The following KCNMA1 variants were observed in gnomAD, a reference collection of about 807,000 sequenced individuals.
The protein encoded by KCNMA1 is potassium calcium-activated channel subfamily M alpha 1, also known as Calcium-activated potassium channel subunit alpha-1.
In KCNMA1, 29 loss-of-function variants were observed where a neutral mutation model predicts 140.0. That is an observed-to-expected ratio of 0.21 (90% CI 0.15 to 0.28). The LOEUF (loss-of-function observed/expected upper bound fraction) is 0.28, where lower values mean the gene tolerates loss of function less well. KCNMA1 is among the 10% of genes least tolerant of loss of function. The probability of loss-of-function intolerance (pLI) is 1.00; values close to 1 mark genes in which losing one functional copy is unlikely to be tolerated. For missense variants in KCNMA1, 880 were observed against 1,602.2 expected (o/e 0.55, Z 7.70); for synonymous variants, 612 against 611.9 (o/e 1.00, Z 0.00).
chr10:77,288,044 G>A (rs931954327), intron 2 of KCNMA1, among the ~76,000 whole-genome samples: 2 of 152,138 alleles, frequency 1.3e-5, no homozygotes, highest in African/African-American at 4.8e-5. Context: ...CTCTGCCTAC[G>A]CATGCATTCC....
At chr10:77,439,274 T>C (rs1172640294) in intron 1 of KCNMA1, among the ~76,000 whole-genome samples, 1 of 152,238 alleles carries the variant, frequency 6.6e-6, no homozygotes, top group Non-Finnish European at 1.5e-5. Flanking sequence ...TTTTACTGTA[T>C]TGCTCTATCA....
Position 77,260,813 on chromosome 10 carries a change from G to A in KCNMA1, c.541-9557C>T, listed in dbSNP as rs76091278. 1.1e-4 allele frequency among the ~76,000 whole-genome samples: 16 copies of A among 152,314 alleles called. No individual in the cohort carries two copies. The East Asian group carries it at 3.1e-3, about 29-fold the overall frequency. On this transcript the variant is annotated intron_variant, in intron 2 of 27. Transcript: ENST00000286628. ...GTCTCTAGGAAAAACAGATTCAACT[G>A]AGGTGGCAGATATAGGGAGCATTAC...
chr10:77,595,452 T>G (rs565908930), intron 1 of KCNMA1, among the ~76,000 whole-genome samples: 1 of 151,730 alleles, frequency 6.6e-6, no homozygotes, highest in South Asian at 2.1e-4. Flanking sequence ...ATAAAAGATG[T>G]ACCCCGGCAC....
Position 76,974,489 on chromosome 10 carries a change from G to A in KCNMA1, c.2267-4422C>T, listed in dbSNP as rs932065102. The A allele has an allele frequency of 1.6e-5, 25 of 1,537,456 alleles. No homozygotes were observed. The East Asian group carries it at 2.2e-4, about 14-fold the overall frequency. ...AATGGGTCCCAGTCTTCCTTCACCT[G>A]GCTCGGTCACAAGCCGAGAATTGGG... On this transcript the variant is annotated intron_variant, in intron 19 of 27. Transcript: ENST00000286628.
intron 1 of KCNMA1, among the ~76,000 whole-genome samples, chr10:77,449,078 C>T (rs1164498005): frequency 7.0e-6 from 1 of 142,720 alleles, no homozygotes; most frequent in African/African-American, 2.6e-5. Flanking sequence ...CAGAGCAAGA[C>T]TCCGAAAAAA....
intron 1 of KCNMA1, among the ~76,000 whole-genome samples, chr10:77,422,423 G>A (rs1339209858): frequency 6.6e-6 from 1 of 152,210 alleles, no homozygotes; most frequent in African/African-American, 2.4e-5. Flanking sequence ...ATGATTTCAA[G>A]GCTTCGGTCC....
At chr10:77,275,502 G>A (rs998433393) in intron 2 of KCNMA1, among the ~76,000 whole-genome samples, 2 of 152,298 alleles carry the variant, frequency 1.3e-5, no homozygotes, top group African/African-American at 4.8e-5. Flanking sequence ...CTTGTCCAAC[G>A]CCCTATTGTG....
intron 19 of KCNMA1, among the ~76,000 whole-genome samples, chr10:76,973,567 C>A (rs1372682308): frequency 6.6e-6 from 1 of 152,166 alleles, no homozygotes; most frequent in East Asian, 1.9e-4. Context: ...AATGACATAA[C>A]CTCCAGACAA....
At chr10:77,482,561 C>A (rs1237135166) in intron 1 of KCNMA1, among the ~76,000 whole-genome samples, 1 of 152,118 alleles carries the variant, frequency 6.6e-6, no homozygotes. Context: ...CATCTCTCTG[C>A]CAACTAAAGC....
chr10:77,514,086 C>T (rs1283317981), intron 1 of KCNMA1, among the ~76,000 whole-genome samples: 2 of 152,376 alleles, frequency 1.3e-5, no homozygotes, highest in Admixed American at 1.3e-4. Context: ...GCCCGCCTGG[C>T]ACCTGGGTCT....
At chr10:77,082,988 C>G (rs1289669952) in intron 12 of KCNMA1, among the ~76,000 whole-genome samples, 4 of 152,164 alleles carry the variant, frequency 2.6e-5, no homozygotes, top group Non-Finnish European at 5.9e-5. Flanking sequence ...TGATGGAAAG[C>G]AAAGACAAAG....
intron 2 of KCNMA1, among the ~76,000 whole-genome samples, chr10:77,363,000 G>A (rs2094103386): frequency 6.6e-6 from 1 of 152,246 alleles, no homozygotes; most frequent in South Asian, 2.1e-4. Context: ...GTCTCCCAAT[G>A]CGGACAGGCA....
chr10:76,967,075 G>A (rs1194195415), intron 20 of KCNMA1, among the ~76,000 whole-genome samples: 1 of 152,156 alleles, frequency 6.6e-6, no homozygotes, highest in Non-Finnish European at 1.5e-5. Context: ...TGATTTGGAA[G>A]GAGCCTTCAC....
In KCNMA1 at chr10:76,887,035, C is replaced by CA. The variant is rs2037352777; in HGVS notation, c.*230dup. Reference sequence around the variant, plus strand: ...GCATGCCTTTGGGTTATTTTTCCCCCAGAATCATAAATAACTTTTGGTCCG... The same window carrying CA: ...GCATGCCTTTGGGTTATTTTTCCCCCAAGAATCATAAATAACTTTTGGTCCG... On this transcript the variant is annotated 3_prime_UTR_variant, in exon 28 of 28. Coordinates refer to ENST00000286628, the MANE Select transcript of KCNMA1 (RefSeq NM_001161352.2). 2.8e-6 allele frequency: 4 copies of CA among 1,406,030 alleles called. No individual in the cohort carries two copies. The East Asian group carries it at 1.2e-4, about 41-fold the overall frequency. The allele number at this position is 1,406,030 out of a possible 1,614,324, so 87.1% of individuals were successfully genotyped here.
chr10:76,984,566 A>T (rs1256040399), intron 19 of KCNMA1, among the ~76,000 whole-genome samples: 1 of 152,056 alleles, frequency 6.6e-6, no homozygotes, highest in Non-Finnish European at 1.5e-5. Flanking sequence ...TCAGTATATC[A>T]ATCAGTCACT....
intron 1 of KCNMA1, among the ~76,000 whole-genome samples, chr10:77,434,285 C>T (rs1369044318): frequency 1.3e-5 from 2 of 152,176 alleles, no homozygotes; most frequent in African/African-American, 2.4e-5. Flanking sequence ...TCAGACTGCA[C>T]CAGAACAGGC....
At chr10:76,956,223 A>T (rs550102485) in intron 20 of KCNMA1, among the ~76,000 whole-genome samples, 1 of 152,184 alleles carries the variant, frequency 6.6e-6, no homozygotes, top group Non-Finnish European at 1.5e-5. Context: ...AAGCCTGATG[A>T]TCGATCGCCC....
At chr10:77,387,564 T>TTTTTTCTTTTC (rs1566488438) in intron 2 of KCNMA1, among the ~76,000 whole-genome samples, 22 of 151,772 alleles carry the variant, frequency 1.4e-4, no homozygotes, top group African/African-American at 4.1e-4. Context: ...TCTTTTTCTT[T>TTTTTTCTTTTC]TCTTTTCTTT....
chr10:77,063,349 C>T (rs1215129535), intron 14 of KCNMA1, among the ~76,000 whole-genome samples: 1 of 151,748 alleles, frequency 6.6e-6, no homozygotes, highest in Non-Finnish European at 1.5e-5. Context: ...GGGGCTGCAG[C>T]GGCTGGGTTG....
Sources: allele counts gnomAD v4.1 joint callset (sites outside exome capture counted in the v4.1 genomes callset), GRCh38; gene constraint gnomAD v4.1.1; transcripts MANE v1.5; gene names NCBI Gene and HGNC (gene_info 2026-07-23, HGNC 2026-07-21).